Variants in IMP4 observed in about 807,000 individuals in gnomAD.
IMP4 encodes U3 small nucleolar ribonucleoprotein IMP4.
A neutral mutation model predicts 42.7 loss-of-function variants in IMP4; 30 were observed. That is an observed-to-expected ratio of 0.70 (90% confidence interval 0.53 to 0.95). The LOEUF is 0.95. IMP4 is among the 40% of genes least tolerant of loss of function. The probability of loss-of-function intolerance (pLI) is 0.00; values close to 1 mark genes in which losing one functional copy is unlikely to be tolerated. For missense variants in IMP4, 382 were observed against 411.4 expected, an observed-to-expected ratio of 0.93 and a Z score of 0.62; for synonymous variants, 165 against 165.2, an observed-to-expected ratio of 1.00 and a Z score of 0.01.
In IMP4 at chr2:130,343,093, G is replaced by A; in HGVS notation, c.11G>A (p.Arg4His). MLRREARLRREYLY... is the reference protein window; with the variant it reads MLRHEARLRREYLY... ...GGCCTGCTGTTCCCACAGCTGCGCC[G>A]CGAGGCCCGCCTGCGCCGCGAGTAC... Residue 4 changes from arginine to histidine, a missense_variant, in exon 2 of 9, where the codon CGC (arginine) becomes CAC (histidine). By Grantham distance (29) the Arg-to-His change is conservative. Coordinates refer to ENST00000259239, the MANE Select transcript of IMP4 (RefSeq NM_033416.3). The A allele has an allele frequency of 6.4e-7, 1 of 1,555,360 alleles. No individual in the cohort carries two copies.
chr2:130,346,539 T>A lies in IMP4; in HGVS notation c.*71T>A. The A allele has an allele frequency of 9.5e-7, 1 of 1,052,546 alleles. No individual in the cohort carries two copies. The highest frequency in any genetic ancestry group is 1.4e-6 in the Non-Finnish European group (1 of 697,414). 65.2% of individuals were successfully genotyped at this position (1,052,546 alleles called of 1,614,324 possible). The stretch of plus-strand genomic sequence containing the variant: ...GGGCTGTCATAGACAGACCCACCAG[T>A]AGGAACTGTCACAGAATGGCCTGCT... On this transcript the variant is annotated 3_prime_UTR_variant, in exon 9 of 9. Coordinates refer to ENST00000259239, the MANE Select transcript of IMP4 (RefSeq NM_033416.3).
At chr2:130,342,963 G>T (rs1262469792) in intron 1 of IMP4, 28 bp downstream of exon 1, 3 of 1,614,170 alleles carry the variant, frequency 1.9e-6, no homozygotes, top group Admixed American at 3.3e-5. Context: ...TGTTTCGGAG[G>T]TCCGGGGCGC....
At chr2:130,343,404 T>G in intron 2 of IMP4, 1 of 712,878 alleles carries the variant, frequency 1.4e-6, no homozygotes, top group Non-Finnish European at 2.6e-6. Context: ...TTGCCCGCTG[T>G]GTGCAGTGTG....
chr2:130,344,899 G>A (rs1679400675), intron 3 of IMP4, 187 bp downstream of exon 3: 2 of 603,000 alleles, frequency 3.3e-6, no homozygotes, highest in Non-Finnish European at 5.9e-6. Flanking sequence ...TGGCACACAT[G>A]GGAGTGCCTC....
At position 130,345,292 on chromosome 2, in the gene IMP4, C is replaced by T; in HGVS notation, c.197-84C>T. ...TATTGTTGAAGGCTTCGGCAGACAG[C>T]GACATCCAGGCGGTCTTGGCTGCCC... On this transcript the variant is annotated intron_variant, in intron 3 of 8. Transcript: ENST00000259239. This position sits in a 1 kb window ranked among gnomAD's most constrained non-coding sequence, Gnocchi z 4.9. 5 of 1,014,930 alleles carry T rather than the reference C, an allele frequency of 4.9e-6. No homozygotes were observed. The highest frequency in any genetic ancestry group is 6.1e-6 in the Non-Finnish European group (4 of 658,666). 62.9% of individuals were successfully genotyped at this position (1,014,930 alleles called of 1,614,324 possible).
intron 8 of IMP4, 22 bp from the exon 9 acceptor site, chr2:130,346,334 C>G: frequency 6.2e-7 from 1 of 1,602,008 alleles, no homozygotes; most frequent in Non-Finnish European, 8.5e-7. Context: ...TGTGCCGGGG[C>G]TGATGCCATC....
chr2:130,343,279 G>C (rs1299794661), intron 2 of IMP4, 85 bp downstream of exon 2: 1 of 1,002,802 alleles, frequency 1.0e-6, no homozygotes, highest in Non-Finnish European at 1.5e-6. Flanking sequence ...CTTTCCAAAT[G>C]CTTGCCGGCC....
rs1679701088 is a variant in IMP4 at position 130,347,932 on chromosome 2, A to T, written c.*1464A>T. On this transcript the variant is annotated 3_prime_UTR_variant, in exon 9 of 9. Coordinates refer to ENST00000259239, the MANE Select transcript of IMP4 (RefSeq NM_033416.3). ...GATATAGCCATTGAGAAGCTCCTCAAGATAGACATTAAATACAAAGAAGCA... is the reference window on the plus strand; with the variant it reads ...GATATAGCCATTGAGAAGCTCCTCATGATAGACATTAAATACAAAGAAGCA... 1 of 152,304 alleles carries T rather than the reference A, an allele frequency of 6.6e-6. No homozygotes were observed. The highest frequency in any genetic ancestry group is 2.4e-5 in the African/African-American group (1 of 41,470). The allele number at this position is 152,304 out of a possible 1,614,324, so 9.4% of individuals were successfully genotyped here.
At position 130,346,059 on chromosome 2, in the gene IMP4, T is replaced by C. The variant is rs771985137; in HGVS notation, c.636T>C (p.Asp212=). 6.2e-7 allele frequency: 1 copy of C among 1,614,198 alleles called. No individual in the cohort carries two copies. Among genetic ancestry groups the C allele is most frequent in the South Asian group, 1.1e-5 (1 of 91,080 alleles). ...GATACCTATTTCCCGTGCCCAAAGA[T>C]GACAGCCACCGGGTCATCACCTTCG... ...ILRYLFPVPK[D]DSHRVITFAN... Residue 212 remains aspartate, a synonymous_variant, in exon 7 of 9, where the codon GAT becomes GAC. Coordinates refer to ENST00000259239, the MANE Select transcript of IMP4 (RefSeq NM_033416.3).
chr2:130,345,109 T>A lies in IMP4; in HGVS notation c.197-267T>A. 1 of 549,926 alleles carries A rather than the reference T, an allele frequency of 1.8e-6. No individual in the cohort carries two copies. The highest frequency in any genetic ancestry group is 2.2e-5 in the South Asian group (1 of 44,772). 34.1% of individuals were successfully genotyped at this position (549,926 alleles called of 1,614,324 possible). A position where few individuals can be genotyped will look rare whatever the true frequency, so the allele number is the denominator to read the frequency against. ...CCGTTGGCCTTAGCAGAGTGTGGAT[T>A]TCGTTGTGTAATGGAGTAGCTGCTT... On this transcript the variant is annotated intron_variant, in intron 3 of 8. Coordinates refer to ENST00000259239, the MANE Select transcript of IMP4 (RefSeq NM_033416.3). This position sits in a 1 kb window ranked among gnomAD's most constrained non-coding sequence, Gnocchi z 4.9.
Position 130,345,529 on chromosome 2 carries a change from A to G in IMP4, c.307-38A>G. ...TGAGGGAGAGACACCCAGGACACAC[A>G]GCCCCAGTCCTGACTGTACACTGCC... On this transcript the variant is annotated intron_variant, in intron 4 of 8. Transcript: ENST00000259239. The surrounding 1 kb of genome is among the most constrained non-coding windows in gnomAD (Gnocchi z 4.9). The G allele has an allele frequency of 6.2e-7, 1 of 1,614,050 alleles. No individual in the cohort carries two copies. The highest frequency in any genetic ancestry group is 8.5e-7 in the Non-Finnish European group (1 of 1,179,966).
chr2:130,345,456 C>G lies in IMP4; in HGVS notation c.277C>G (p.Pro93Ala), dbSNP rs1406203384. Residue 93 changes from proline (P) to alanine (A), a missense_variant, in exon 4 of 9, where the codon CCC becomes GCC. Physicochemically the swap from Pro to Ala is conservative, Grantham distance 27. Coordinates refer to ENST00000259239, the MANE Select transcript of IMP4 (RefSeq NM_033416.3). The surrounding 1 kb of genome is among the most constrained non-coding windows in gnomAD (Gnocchi z 4.9). ...GGTTATGATCACTACCTCCCGAGAC[C>G]CCAGTTCCCGCCTCAAGATGTTTGC... The part of the protein sequence containing the change: ...PKVMITTSRD[P>A]SSRLKMFAKE... The G allele has an allele frequency of 6.2e-7, 1 of 1,613,926 alleles. No homozygotes were observed. The highest frequency in any genetic ancestry group is 1.3e-5 in the African/African-American group (1 of 74,878).
intron 3 of IMP4, chr2:130,344,995 C>G: frequency 1.8e-6 from 1 of 565,916 alleles, no homozygotes; most frequent in Non-Finnish European, 3.2e-6. Context: ...ATTATTGGTG[C>G]CCATACGTTT....
chr2:130,346,367 C>A lies in IMP4; in HGVS notation c.775C>A (p.Arg259Ser), dbSNP rs1401959741. Residue 259 changes from arginine to serine, a missense_variant, in exon 9 of 9, where the codon CGT becomes AGT. Coordinates refer to ENST00000259239, the MANE Select transcript of IMP4 (RefSeq NM_033416.3). Reference sequence around the variant, plus strand: ...ATCCCTGCCTGCAGTGTACATGATCCGTCTGGGCACGCTGGAGCAGGAGGC... The same window carrying A: ...ATCCCTGCCTGCAGTGTACATGATCAGTCTGGGCACGCTGGAGCAGGAGGC... ...PRFELKLYMI[R>S]LGTLEQEATA... is the part of the protein sequence containing the mutation. 1.3e-6 allele frequency: 2 copies of A among 1,587,510 alleles called. No homozygotes were observed. Among genetic ancestry groups the A allele is most frequent in the Admixed American group, 3.7e-5 (2 of 54,642 alleles).
In IMP4 at chr2:130,346,588, G is replaced by A. The variant is rs879428970; in HGVS notation, c.*120G>A. The stretch of plus-strand genomic sequence containing the variant: ...CTGAACTGGGATGTGGAACTGTGGC[G>A]GGTGGAGAGGTCTGAATAAACCGTC... On this transcript the variant is annotated 3_prime_UTR_variant, in exon 9 of 9. Coordinates refer to ENST00000259239, the MANE Select transcript of IMP4 (RefSeq NM_033416.3). 21 of 768,620 alleles carry A rather than the reference G, an allele frequency of 2.7e-5. No homozygotes were observed. The highest frequency in any genetic ancestry group is 8.3e-5 in the Admixed American group (4 of 47,982). 47.6% of individuals were successfully genotyped at this position (768,620 alleles called of 1,614,324 possible).
chr2:130,346,644 T>C lies in IMP4; in HGVS notation c.*176T>C. On this transcript the variant is annotated 3_prime_UTR_variant, in exon 9 of 9. Coordinates refer to ENST00000259239, the MANE Select transcript of IMP4 (RefSeq NM_033416.3). Reference sequence around the variant, plus strand: ...CATGGCCCCGCCTGCCTCTGAGTGGTCAGGCCAAGTCTGCAGGGCAAAGCC... The same window carrying C: ...CATGGCCCCGCCTGCCTCTGAGTGGCCAGGCCAAGTCTGCAGGGCAAAGCC... The C allele has an allele frequency of 3.2e-6, 2 of 629,044 alleles. No homozygotes were observed. Among genetic ancestry groups the C allele is most frequent in the Non-Finnish European group, 2.8e-6 (1 of 353,256 alleles). The allele number at this position is 629,044 out of a possible 1,614,324, so 39.0% of individuals were successfully genotyped here.
rs769479224 is a variant in IMP4 at position 130,343,125 on chromosome 2, C to T, written c.43C>T (p.Arg15Cys). The change falls in exon 2 of 9, where the codon CGC (arginine) becomes TGC (cysteine). Residue 15 changes from arginine (R) to cysteine (C), a missense_variant. Coordinates refer to ENST00000259239, the MANE Select transcript of IMP4 (RefSeq NM_033416.3). ...CCGCCTGCGCCGCGAGTACCTGTAC[C>T]GCAAGGCCCGGGAGGAGGCGCAGCG... ...EARLRREYLY[R>C]KAREEAQRSA... 4.5e-6 allele frequency: 7 copies of T among 1,555,190 alleles called. No homozygotes were observed. The highest frequency in any genetic ancestry group is 1.7e-4 in the Middle Eastern group (1 of 5,742).
intron 2 of IMP4, 57 bp from the exon 3 acceptor site, chr2:130,344,572 A>G (rs1466872641): frequency 1.1e-5 from 12 of 1,101,936 alleles, no homozygotes; most frequent in Non-Finnish European, 1.7e-5. Context: ...GGTGTATTGG[A>G]TGAGCTGAGG....
intron 2 of IMP4, among the ~76,000 whole-genome samples, chr2:130,344,110 C>T (rs1316488910): frequency 6.6e-6 from 1 of 152,210 alleles, no homozygotes. Flanking sequence ...GGGTGGATCA[C>T]GAGGTCAGGA....
Sources: allele counts gnomAD v4.1 joint callset (sites outside exome capture counted in the v4.1 genomes callset), GRCh38; gene constraint gnomAD v4.1.1; non-coding constraint Gnocchi (gnomAD v3.1); transcripts MANE v1.5; gene names NCBI Gene and HGNC (gene_info 2026-07-23, HGNC 2026-07-21).